WNK3: variants seen among roughly 807,000 people sequenced by gnomAD.
WNK3 encodes WNK lysine deficient protein kinase 3, also known as serine/threonine-protein kinase WNK3.
In WNK3, 18 loss-of-function variants were observed where a neutral mutation model predicts 116.7. The ratio of observed to expected loss-of-function variants is 0.15; its 90% CI spans 0.11 to 0.23. The LOEUF (loss-of-function observed/expected upper bound fraction) is 0.23, where lower values mean the gene tolerates loss of function less well. Among genes scored for constraint, WNK3 ranks in the 10% least tolerant of loss-of-function variants. The pLI is 1.00. For missense variants in WNK3, 993 were observed against 1,323.8 expected (o/e 0.75, Z 3.88); for synonymous variants, 404 against 469.4 (o/e 0.86, Z 1.80).
At chrX:54,345,282 ATATGTATGTATG>A (rs572331448) in intron 1 of WNK3, among the ~76,000 whole-genome samples, 1,387 of 100,901 alleles carry the variant, frequency 0.014, 18 homozygotes, top group African/African-American at 0.047. Flanking sequence ...AACTATATAT[ATATGTATGTATG>A]TATGTATGTA....
At chrX:54,309,041 T>C (rs2068857179) in intron 4 of WNK3, 54 bp downstream of exon 4, 2 of 1,058,196 alleles carry the variant, frequency 1.9e-6, no homozygotes, top group Non-Finnish European at 1.3e-6. Context: ...TCTAGACCTA[T>C]ACAATTGAAA....
upstream of WNK3, among the ~76,000 whole-genome samples, chrX:54,358,354 G>GAGGAGA (rs1557179760): frequency 1.9e-5 from 2 of 104,698 alleles, no homozygotes; most frequent in African/African-American, 6.8e-5. Flanking sequence ...TCTCCCCTCA[G>GAGGAGA]AGAAGAAGAA....
intron 22 of WNK3, among the ~76,000 whole-genome samples, chrX:54,203,932 G>A (rs2067525755): frequency 9.1e-6 from 1 of 109,986 alleles, no homozygotes; most frequent in Non-Finnish European, 1.9e-5. Flanking sequence ...GGGCAACAGA[G>A]CAAGACTCTG....
At chrX:54,282,505 A>C (rs932871505) in intron 10 of WNK3, among the ~76,000 whole-genome samples, 4 of 111,821 alleles carry the variant, frequency 3.6e-5, no homozygotes, top group Non-Finnish European at 7.5e-5. Flanking sequence ...CTAAGAGACA[A>C]TACTACCCAA....
At chrX:54,225,678 ACATAC>A (rs782073461) in intron 22 of WNK3, among the ~76,000 whole-genome samples, 151 of 110,256 alleles carry the variant, frequency 1.4e-3, no homozygotes, top group Non-Finnish European at 2.6e-3. Context: ...AAACAGAAAG[ACATAC>A]CATGTTCACA....
rs782712023 is a variant in WNK3 at position 54,333,101 on chromosome X, T to C, written c.537+36A>G. On this transcript the variant is annotated intron_variant, in intron 2 of 23. Transcript: ENST00000354646. ...CACAGAAGGCCAGGCCAGCTAAAACTTGAATTTATTATAACCAAGAAGATT... is the reference window on the plus strand; with the variant it reads ...CACAGAAGGCCAGGCCAGCTAAAACCTGAATTTATTATAACCAAGAAGATT... 8 of 1,085,727 alleles carry C rather than the reference T, an allele frequency of 7.4e-6. No homozygotes were observed. The South Asian group carries it at 9.0e-5, about 12-fold the overall frequency. 89.5% of individuals were successfully genotyped at this position (1,085,727 alleles called of 1,213,427 possible).
At chrX:54,231,187 T>C (rs150688944) in intron 21 of WNK3, among the ~76,000 whole-genome samples, 9 of 112,317 alleles carry the variant, frequency 8.0e-5, no homozygotes, top group African/African-American at 2.6e-4. Flanking sequence ...TGATACTGCA[T>C]CAGACTGAAG....
intron 10 of WNK3, among the ~76,000 whole-genome samples, chrX:54,284,280 C>A (rs1027911186): frequency 2.4e-4 from 27 of 111,288 alleles, no homozygotes; most frequent in African/African-American, 8.8e-4. Flanking sequence ...CAAAGGCCAA[C>A]AAATACATGA....
At chrX:54,287,027 A>T (rs1370439927) in intron 10 of WNK3, among the ~76,000 whole-genome samples, 2 of 111,233 alleles carry the variant, frequency 1.8e-5, no homozygotes, top group Non-Finnish European at 3.8e-5. Context: ...GCAGATGGGT[A>T]GTAAAATGAT....
chrX:54,272,750 A>G (rs2068398303), intron 10 of WNK3, among the ~76,000 whole-genome samples: 1 of 112,013 alleles, frequency 8.9e-6, no homozygotes, highest in Non-Finnish European at 1.9e-5. Context: ...AACAAAGCCA[A>G]TTTCTTAAAA....
At chrX:54,244,378 TGGGTAAA>T (rs1255153181) in intron 17 of WNK3, among the ~76,000 whole-genome samples, 5 of 111,888 alleles carry the variant, frequency 4.5e-5, no homozygotes, top group Non-Finnish European at 7.5e-5. Context: ...AAATTAAGGC[TGGGTAAA>T]GGGTGTAGAT....
chrX:54,231,639 T>C (rs948076529), intron 21 of WNK3, among the ~76,000 whole-genome samples: 1 of 112,158 alleles, frequency 8.9e-6, no homozygotes, highest in Non-Finnish European at 1.9e-5. Context: ...CTAGTGATTT[T>C]ACACTGGACC....
chrX:54,257,156 CA>C (rs1557155669), intron 11 of WNK3, among the ~76,000 whole-genome samples: 1 of 111,321 alleles, frequency 9.0e-6, no homozygotes, highest in Non-Finnish European at 1.9e-5. Flanking sequence ...CAGTGTCTCC[CA>C]ATTCCCAGTC....
intron 5 of WNK3, among the ~76,000 whole-genome samples, 171 bp downstream of exon 5, chrX:54,307,751 C>T (rs1370777369): frequency 9.0e-6 from 1 of 111,110 alleles, no homozygotes; most frequent in Non-Finnish European, 1.9e-5. Flanking sequence ...TATATGACTC[C>T]AATGAAGCAT....
At chrX:54,275,696 A>G (rs1249698473) in intron 10 of WNK3, among the ~76,000 whole-genome samples, 1 of 110,620 alleles carries the variant, frequency 9.0e-6, no homozygotes, top group African/African-American at 3.3e-5. Flanking sequence ...ATCCTAGCAT[A>G]TCAAAAATTA....
chrX:54,199,527 T>C (rs2067480623), intron 23 of WNK3, among the ~76,000 whole-genome samples: 1 of 111,722 alleles, frequency 9.0e-6, no homozygotes, highest in Admixed American at 9.6e-5. Context: ...CTTAAATGGC[T>C]ATTTATCTTT....
chrX:54,339,028 A>G (rs1417740705), intron 1 of WNK3, among the ~76,000 whole-genome samples: 1 of 108,947 alleles, frequency 9.2e-6, no homozygotes, highest in African/African-American at 3.3e-5. Flanking sequence ...AGAAGCAAAT[A>G]AGAAGGATGA....
chrX:54,248,933 G>C (rs1557153347), exon 17 of WNK3: 2 of 1,211,060 alleles, frequency 1.7e-6, no homozygotes, highest in Non-Finnish European at 2.2e-6. Flanking sequence ...TCTATGCTTT[G>C]GGTATCCTTC....
chrX:54,304,555 A>T (rs1032605027), intron 5 of WNK3, among the ~76,000 whole-genome samples: 1 of 109,253 alleles, frequency 9.2e-6, no homozygotes, highest in African/African-American at 3.3e-5. Context: ...AAAAAAAAAA[A>T]TCATATAATC....
Sources: allele counts gnomAD v4.1 joint callset (sites outside exome capture counted in the v4.1 genomes callset), GRCh38; gene constraint gnomAD v4.1.1; transcripts MANE v1.5; gene names NCBI Gene and HGNC (gene_info 2026-07-23, HGNC 2026-07-21).